CNTNAP2: variants seen among roughly 807,000 people sequenced by gnomAD.
The protein encoded by CNTNAP2 is contactin associated protein 2.
In CNTNAP2, 98 loss-of-function variants were observed where a neutral mutation model predicts 155.2. That is an observed-to-expected ratio of 0.63 (90% CI 0.54 to 0.75). The LOEUF is 0.75. Ranked by LOEUF, CNTNAP2 falls within the 30% of genes least tolerant of loss-of-function variation. The pLI, the probability that CNTNAP2 is intolerant of heterozygous loss-of-function variation, is 0.00. For missense variants in CNTNAP2, 1,727 were observed against 1,688.1 expected (o/e 1.02, Z -0.40); for synonymous variants, 651 against 631.2 (o/e 1.03, Z -0.47).
In CNTNAP2 at chr7:148,366,479, C is replaced by T. The variant is rs185693388; in HGVS notation, c.3476-17170C>T. Among the ~76,000 whole-genome samples, 20 of 152,188 alleles carry T rather than the reference C, an allele frequency of 1.3e-4. No individual in the cohort carries two copies. The East Asian group carries it at 3.9e-3, about 29-fold the overall frequency. On this transcript the variant is annotated intron_variant, in intron 21 of 23. Transcript: ENST00000361727. ...TGTGGGTGATAAATGAATGGGATTCCATAACAAAGTTGATCTGTGTAAGAC... is the reference window on the plus strand; with the variant it reads ...TGTGGGTGATAAATGAATGGGATTCTATAACAAAGTTGATCTGTGTAAGAC...
chr7:148,335,689 G>A lies in CNTNAP2; in HGVS notation c.3476-47960G>A, dbSNP rs541885666. ...GCTAATCATCCCCTAAAAGAAATGC[G>A]GGAGAAAGCTGCCTCCTAATACATT... On this transcript the variant is annotated intron_variant, in intron 21 of 23. Transcript: ENST00000361727. Among the ~76,000 whole-genome samples, 11 of 152,266 alleles carry A rather than the reference G, an allele frequency of 7.2e-5. No individual in the cohort carries two copies. In the South Asian group the frequency reaches 1.0e-3, roughly 14 times the overall value.
intron 1 of CNTNAP2, among the ~76,000 whole-genome samples, chr7:146,445,175 T>A (rs1287560598): frequency 6.6e-6 from 1 of 152,204 alleles, no homozygotes; most frequent in African/African-American, 2.4e-5. Flanking sequence ...ATCCTCTCCA[T>A]GTGGCCAAAG....
intron 1 of CNTNAP2, among the ~76,000 whole-genome samples, chr7:146,196,555 G>A (rs1798778248): frequency 6.6e-6 from 1 of 151,384 alleles, no homozygotes; most frequent in Admixed American, 6.6e-5. Flanking sequence ...AGGGAAAGGA[G>A]GGAGGGAGGG....
chr7:146,661,879 G>A (rs554118619), intron 1 of CNTNAP2, among the ~76,000 whole-genome samples: 16 of 152,064 alleles, frequency 1.1e-4, no homozygotes, highest in African/African-American at 3.6e-4. Context: ...AATTTTATGA[G>A]AAAATAACAA....
intron 13 of CNTNAP2, among the ~76,000 whole-genome samples, chr7:147,869,187 T>G (rs768844772): frequency 1.3e-5 from 2 of 152,172 alleles, no homozygotes; most frequent in African/African-American, 2.4e-5. Context: ...GATAAAACCT[T>G]TCAACAGCTA....
At chr7:146,884,842 T>C (rs887568027) in intron 3 of CNTNAP2, among the ~76,000 whole-genome samples, 10 of 152,180 alleles carry the variant, frequency 6.6e-5, no homozygotes, top group Non-Finnish European at 1.3e-4. Context: ...AGTACAATAA[T>C]TATTATCATT....
At chr7:147,928,789 T>C (rs2116794590) in intron 14 of CNTNAP2, among the ~76,000 whole-genome samples, 1 of 152,212 alleles carries the variant, frequency 6.6e-6, no homozygotes, top group Admixed American at 6.5e-5. Context: ...CCACAGAGTT[T>C]TTTATAAAAC....
At chr7:147,291,242 T>TGCC (rs1335188312) in intron 8 of CNTNAP2, among the ~76,000 whole-genome samples, 4 of 152,088 alleles carry the variant, frequency 2.6e-5, no homozygotes, top group Non-Finnish European at 5.9e-5. Context: ...CATGGTGGTT[T>TGCC]GCCGCACCTA....
At chr7:146,449,365 T>A (rs1242762433) in intron 1 of CNTNAP2, among the ~76,000 whole-genome samples, 1 of 152,142 alleles carries the variant, frequency 6.6e-6, no homozygotes, top group Non-Finnish European at 1.5e-5. Context: ...TTTTTTCCTC[T>A]TGTGCATGTT....
chr7:146,972,410 A>T (rs1201510355), intron 3 of CNTNAP2, among the ~76,000 whole-genome samples: 1 of 152,180 alleles, frequency 6.6e-6, no homozygotes, highest in African/African-American at 2.4e-5. Flanking sequence ...TTCAAAATTT[A>T]ACATTTGTGT....
At chr7:147,132,633 G>A (rs1584746267) in intron 8 of CNTNAP2, 124 bp downstream of exon 8, 7 of 1,298,688 alleles carry the variant, frequency 5.4e-6, no homozygotes, top group East Asian at 4.9e-5. Flanking sequence ...AGATCTTCAA[G>A]ACGCTTACTT....
chr7:148,322,870 A>G (rs1797819773), intron 21 of CNTNAP2, among the ~76,000 whole-genome samples: 1 of 140,690 alleles, frequency 7.1e-6, no homozygotes, highest in Admixed American at 7.4e-5. Flanking sequence ...ACTTCCCCTC[A>G]TCATTCTCTT....
At chr7:147,498,171 T>TAA (rs58638014) in intron 11 of CNTNAP2, among the ~76,000 whole-genome samples, 25,156 of 129,742 alleles carry the variant, frequency 0.19, 2,437 homozygotes, top group African/African-American at 0.23. Flanking sequence ...CAAGCTATGA[T>TAA]AAAAAAAAAA....
At chr7:146,398,677 A>G (rs1264269204) in intron 1 of CNTNAP2, among the ~76,000 whole-genome samples, 1 of 152,180 alleles carries the variant, frequency 6.6e-6, no homozygotes, top group Non-Finnish European at 1.5e-5. Flanking sequence ...GGGTCTGAAT[A>G]TGTTTTATAT....
intron 12 of CNTNAP2, among the ~76,000 whole-genome samples, chr7:147,629,367 C>T (rs187594639): frequency 1.9e-4 from 29 of 151,350 alleles, no homozygotes; most frequent in African/African-American, 7.0e-4. Flanking sequence ...TGCACCACTG[C>T]ACTCCAGCCT....
At chr7:147,959,588 T>G (rs1413631311) in intron 14 of CNTNAP2, among the ~76,000 whole-genome samples, 2 of 152,168 alleles carry the variant, frequency 1.3e-5, no homozygotes, top group Admixed American at 1.3e-4. Flanking sequence ...GGGGCAGTTC[T>G]GCAGTCATGT....
chr7:148,159,356 A>G (rs562572295), intron 17 of CNTNAP2, among the ~76,000 whole-genome samples: 26 of 152,102 alleles, frequency 1.7e-4, no homozygotes, highest in Non-Finnish European at 3.4e-4. Flanking sequence ...AAGTATACAT[A>G]TCATTGTGGA....
In CNTNAP2 at chr7:147,575,511, CTG is replaced by C. The variant is rs377290787; in HGVS notation, c.1897+13278_1897+13279del. Among the ~76,000 whole-genome samples the C allele has an allele frequency of 7.7e-3, 1,019 of 132,540 alleles. 14 individuals carry two copies. Among genetic ancestry groups the C allele is most frequent in the African/African-American group, 0.025 (872 of 34,948 alleles). The allele number at this position is 132,540 out of a possible 152,430, so 87.0% of individuals were successfully genotyped here. ...ATTCCCTAGCTTTAGGGGTATACAA[CTG>C]TGTGTGTGTGTGTGTGTGTGTGTAT... On this transcript the variant is annotated intron_variant, in intron 12 of 23. Transcript: ENST00000361727.
intron 1 of CNTNAP2, among the ~76,000 whole-genome samples, chr7:146,691,613 G>C (rs780866669): frequency 6.6e-6 from 1 of 152,020 alleles, no homozygotes; most frequent in East Asian, 1.9e-4. Context: ...GCAAATAATC[G>C]TAAGTCAGGG....
Sources: allele counts gnomAD v4.1 joint callset (sites outside exome capture counted in the v4.1 genomes callset), GRCh38; gene constraint gnomAD v4.1.1; transcripts MANE v1.5; gene names NCBI Gene and HGNC (gene_info 2026-07-23, HGNC 2026-07-21).